The following FNDC3B variants were observed in gnomAD, a reference collection of about 807,000 sequenced individuals.
FNDC3B encodes the protein fibronectin type III domain containing 3B, also known as fibronectin type III domain-containing protein 3B.
In FNDC3B, 12 loss-of-function variants were observed where a neutral mutation model predicts 151.5. The ratio of observed to expected loss-of-function variants is 0.08; its 90% CI spans 0.05 to 0.13. The LOEUF (loss-of-function observed/expected upper bound fraction) is 0.13. Among genes scored for constraint, FNDC3B ranks in the 10% least tolerant of loss-of-function variants. The probability of loss-of-function intolerance (pLI) is 1.00; values close to 1 mark genes in which losing one functional copy is unlikely to be tolerated. For missense variants in FNDC3B, 1,214 were observed against 1,505.3 expected, an observed-to-expected ratio of 0.81 and a Z score of 3.20; for synonymous variants, 528 against 549.0, an observed-to-expected ratio of 0.96 and a Z score of 0.54.
At chr3:172,385,883 C>T (rs772699217) in intron 25 of FNDC3B, among the ~76,000 whole-genome samples, 7 of 152,054 alleles carry the variant, frequency 4.6e-5, no homozygotes, top group Non-Finnish European at 8.8e-5. Flanking sequence ...TTTTTATAGG[C>T]GACACATGAC....
intron 6 of FNDC3B, among the ~76,000 whole-genome samples, chr3:172,254,091 T>A (rs1728216358): frequency 6.6e-6 from 1 of 152,214 alleles, no homozygotes. Context: ...TTGAATAATT[T>A]AACTTTTTAT....
chr3:172,301,226 T>C (rs1730898466), intron 9 of FNDC3B, among the ~76,000 whole-genome samples: 1 of 152,218 alleles, frequency 6.6e-6, no homozygotes, highest in African/African-American at 2.4e-5. Flanking sequence ...GTGCTACCTT[T>C]TGGTTTTCCC....
chr3:172,124,840 G>A (rs1051082657), intron 2 of FNDC3B, among the ~76,000 whole-genome samples: 1 of 152,118 alleles, frequency 6.6e-6, no homozygotes, highest in East Asian at 1.9e-4. Flanking sequence ...TATTGGGGAG[G>A]GCTTACGAGG....
chr3:172,226,391 A>C (rs2108740544), intron 3 of FNDC3B, among the ~76,000 whole-genome samples: 1 of 152,116 alleles, frequency 6.6e-6, no homozygotes, highest in Non-Finnish European at 1.5e-5. Flanking sequence ...ATTTCAAATT[A>C]TGGCATATTA....
At chr3:172,317,345 A>C (rs992786871) in intron 11 of FNDC3B, 11 of 290,314 alleles carry the variant, frequency 3.8e-5, no homozygotes, top group Non-Finnish European at 7.6e-5. Context: ...CACCACGCCC[A>C]GCTAATTTTT....
At chr3:172,136,850 G>C (rs965277010) in intron 3 of FNDC3B, among the ~76,000 whole-genome samples, 1 of 152,130 alleles carries the variant, frequency 6.6e-6, no homozygotes, top group African/African-American at 2.4e-5. Context: ...CTCCTGAGTA[G>C]CTGGGACTAC....
intron 1 of FNDC3B, among the ~76,000 whole-genome samples, chr3:172,058,453 CTTT>C (rs76956209): frequency 1.5e-5 from 2 of 135,214 alleles, no homozygotes. Context: ...CCTTAATTTT[CTTT>C]TTTTTTTTTT....
intron 3 of FNDC3B, among the ~76,000 whole-genome samples, chr3:172,149,172 C>T (rs1722083331): frequency 6.6e-6 from 1 of 152,236 alleles, no homozygotes; most frequent in Admixed American, 6.5e-5. Context: ...TCTGCACCTT[C>T]CACAGACCCT....
chr3:172,276,091 T>G (rs865814427), intron 6 of FNDC3B, among the ~76,000 whole-genome samples: 4 of 152,236 alleles, frequency 2.6e-5, no homozygotes, highest in Admixed American at 6.5e-5. Context: ...GATGGTTTTC[T>G]TTTTCTAGTC....
intron 1 of FNDC3B, among the ~76,000 whole-genome samples, chr3:172,065,630 T>C (rs911389919): frequency 3.3e-5 from 5 of 152,332 alleles, no homozygotes; most frequent in African/African-American, 1.2e-4. Context: ...TATGAGGTGC[T>C]CCCTTTGGCT....
At chr3:172,064,213 A>G (rs917809525) in intron 1 of FNDC3B, among the ~76,000 whole-genome samples, 1 of 152,192 alleles carries the variant, frequency 6.6e-6, no homozygotes, top group Non-Finnish European at 1.5e-5. Flanking sequence ...AGGACACAGC[A>G]AGAAGGCACC....
intron 3 of FNDC3B, among the ~76,000 whole-genome samples, chr3:172,218,910 T>A (rs910787764): frequency 3.3e-5 from 5 of 152,178 alleles, no homozygotes; most frequent in Non-Finnish European, 7.3e-5. Flanking sequence ...CTAGCTTCTG[T>A]GTGAAAATAA....
At chr3:172,224,598 C>T (rs768197544) in intron 3 of FNDC3B, among the ~76,000 whole-genome samples, 6 of 152,160 alleles carry the variant, frequency 3.9e-5, no homozygotes, top group Non-Finnish European at 5.9e-5. Flanking sequence ...TCCCTTTCCC[C>T]CTGCTGAGTC....
At chr3:172,244,725 A>G (rs1390125350) in intron 4 of FNDC3B, among the ~76,000 whole-genome samples, 1 of 145,710 alleles carries the variant, frequency 6.9e-6, no homozygotes, top group Non-Finnish European at 1.5e-5. Context: ...CCTGGGTTCA[A>G]GCAATTCCCC....
intron 3 of FNDC3B, among the ~76,000 whole-genome samples, chr3:172,133,996 G>C (rs1721238157): frequency 6.6e-6 from 1 of 152,106 alleles, no homozygotes; most frequent in Admixed American, 6.5e-5. Flanking sequence ...TTATGAAAGG[G>C]CGTGAATACC....
chr3:172,090,019 T>A (rs1344287449), intron 1 of FNDC3B, among the ~76,000 whole-genome samples: 1 of 152,256 alleles, frequency 6.6e-6, no homozygotes, highest in African/African-American at 2.4e-5. Flanking sequence ...TTGTGTTTAA[T>A]CCTGATATGT....
Position 172,040,202 on chromosome 3 carries a change from C to A in FNDC3B, c.-29+431C>A, listed in dbSNP as rs1258610998. Among the ~76,000 whole-genome samples the A allele has an allele frequency of 2.6e-5, 4 of 152,130 alleles. No homozygotes were observed. Among genetic ancestry groups the A allele is most frequent in the Non-Finnish European group, 4.4e-5 (3 of 67,986 alleles). Reference sequence around the variant, plus strand: ...GGAACGCTGCCCAGGAGGGGGAGGGCGGGCGGCGAGGCCGAGGAATCTTCG... The same window carrying A: ...GGAACGCTGCCCAGGAGGGGGAGGGAGGGCGGCGAGGCCGAGGAATCTTCG... On this transcript the variant is annotated intron_variant, in intron 1 of 25. Transcript: ENST00000415807. This position sits in a 1 kb window ranked among gnomAD's most constrained non-coding sequence, Gnocchi z 6.6.
At chr3:172,094,362 A>G (rs1718993544) in intron 1 of FNDC3B, among the ~76,000 whole-genome samples, 1 of 152,160 alleles carries the variant, frequency 6.6e-6, no homozygotes, top group South Asian at 2.1e-4. Flanking sequence ...TTCTGTCTAC[A>G]TTTGCCTATT....
At chr3:172,170,727 T>C (rs1333132856) in intron 3 of FNDC3B, among the ~76,000 whole-genome samples, 1 of 152,222 alleles carries the variant, frequency 6.6e-6, no homozygotes, top group East Asian at 1.9e-4. Flanking sequence ...TTCTCCAAGC[T>C]GCCTAGATAA....
Sources: gnomAD v4.1 joint callset for allele counts (sites outside exome capture counted in the v4.1 genomes callset) on GRCh38, gnomAD v4.1.1 for gene constraint, Gnocchi (gnomAD v3.1) non-coding constraint, MANE v1.5 for transcripts, NCBI Gene and HGNC (gene_info 2026-07-23, HGNC 2026-07-21) for gene names.